Variants in NOX4 observed in about 807,000 individuals in gnomAD.
The protein encoded by NOX4 is NADPH oxidase 4, also known as kidney oxidase-1.
A neutral mutation model predicts 87.6 loss-of-function variants in NOX4; 69 were observed. That is an observed-to-expected ratio of 0.79 (90% CI 0.65 to 0.96). NOX4 has a LOEUF of 0.96. NOX4 is among the 40% of genes least tolerant of loss of function. The pLI, the probability that NOX4 is intolerant of heterozygous loss-of-function variation, is 0.00. For synonymous variants in NOX4, 275 were observed against 238.2 expected (o/e 1.15, Z -1.42); for missense variants, 680 against 681.5 (o/e 1.00, Z 0.02).
chr11:89,490,659 C>T lies in NOX4; in HGVS notation c.58-106G>A, dbSNP rs191953313. 2.7e-4 allele frequency: 219 copies of T among 805,968 alleles called. No individual in the cohort carries two copies. The African/African-American group carries it at 2.8e-3, about 10-fold the overall frequency. 49.9% of individuals were successfully genotyped at this position (805,968 alleles called of 1,614,324 possible). A position where few individuals can be genotyped will look rare whatever the true frequency, so the allele number is the denominator to read the frequency against. ...CTTCGACACAGTGCTTTCAATGGAA[C>T]CTAAATCAGTAACTGCAGAAAGCAT... is the stretch of plus-strand genomic sequence containing the variant. On this transcript the variant is annotated intron_variant, in intron 1 of 17. Transcript: ENST00000263317.
At chr11:89,489,035 C>A in intron 2 of NOX4, 1 of 700,034 alleles carries the variant, frequency 1.4e-6, no homozygotes, top group Non-Finnish European at 2.6e-6. Context: ...ATGGGTTTAG[C>A]TTTACAGACT....
chr11:89,510,286 C>T, the NOX4 span, among the ~76,000 whole-genome samples: 1 of 151,990 alleles, frequency 6.6e-6, no homozygotes, highest in Admixed American at 6.6e-5. Context: ...AGCAAAGAAG[C>T]TTATATTTTC....
intron 14 of NOX4, among the ~76,000 whole-genome samples, chr11:89,340,795 A>G (rs1265076673): frequency 6.6e-6 from 1 of 152,206 alleles, no homozygotes; most frequent in African/African-American, 2.4e-5. Context: ...TTTTCATAAC[A>G]TTAGGTGTCC....
chr11:89,507,527 T>C, the NOX4 span, among the ~76,000 whole-genome samples: 1 of 151,648 alleles, frequency 6.6e-6, no homozygotes, highest in Non-Finnish European at 1.5e-5. Flanking sequence ...TATTGCAATA[T>C]ATACATATAT....
At chr11:89,491,451 A>T, upstream of NOX4, 1 of 530,610 alleles carries the variant, frequency 1.9e-6, no homozygotes, top group Non-Finnish European at 3.3e-6. Flanking sequence ...GGGCGCCCTG[A>T]CTCCCACCCG....
intron 17 of NOX4, among the ~76,000 whole-genome samples, chr11:89,329,714 G>A (rs1306896329): frequency 6.6e-6 from 1 of 151,974 alleles, no homozygotes; most frequent in Non-Finnish European, 1.5e-5. Context: ...GCAATGAAGT[G>A]ATATCTTCAA....
intron 12 of NOX4, among the ~76,000 whole-genome samples, chr11:89,368,006 A>G (rs779049005): frequency 6.6e-5 from 10 of 152,020 alleles, no homozygotes; most frequent in Non-Finnish European, 1.3e-4. Flanking sequence ...CTTCCCAGAA[A>G]CTTGTACATC....
intron 12 of NOX4, among the ~76,000 whole-genome samples, chr11:89,369,857 G>C (rs1166825042): frequency 1.3e-5 from 2 of 151,278 alleles, no homozygotes; most frequent in Non-Finnish European, 2.9e-5. Context: ...AAAATATGTT[G>C]TCATAATAAA....
At chr11:89,433,145 T>C (rs756354437) in intron 6 of NOX4, among the ~76,000 whole-genome samples, 1 of 152,124 alleles carries the variant, frequency 6.6e-6, no homozygotes, top group Admixed American at 6.6e-5. Context: ...CCATCCATCA[T>C]CTCAAACATT....
chr11:89,532,271 T>C, the NOX4 span, among the ~76,000 whole-genome samples: 12 of 152,138 alleles, frequency 7.9e-5, no homozygotes, highest in Admixed American at 7.9e-4. Flanking sequence ...CCTGTGAAAG[T>C]AGCTATGGAA....
At chr11:89,331,943 T>C (rs966250716) in intron 17 of NOX4, among the ~76,000 whole-genome samples, 3 of 151,594 alleles carry the variant, frequency 2.0e-5, no homozygotes, top group African/African-American at 7.3e-5. Flanking sequence ...CTACAAGGAA[T>C]CTTTGCAATT....
intron 11 of NOX4, among the ~76,000 whole-genome samples, chr11:89,380,527 T>G (rs959408596): frequency 6.6e-6 from 1 of 152,136 alleles, no homozygotes; most frequent in East Asian, 1.9e-4. Flanking sequence ...AAAGAAACTT[T>G]CATTGATCAT....
intron 8 of NOX4, among the ~76,000 whole-genome samples, chr11:89,418,561 C>G (rs1274115192): frequency 6.6e-6 from 1 of 151,346 alleles, no homozygotes; most frequent in Non-Finnish European, 1.5e-5. Flanking sequence ...AGAGACAGTT[C>G]AGAAAATTGA....
chr11:89,382,033 C>G (rs529524569), intron 11 of NOX4, among the ~76,000 whole-genome samples: 2 of 152,266 alleles, frequency 1.3e-5, no homozygotes, highest in Admixed American at 1.3e-4. Context: ...GGTGTTTAAT[C>G]ACTGTGGGGA....
At chr11:89,347,395 C>T (rs1417973928) in intron 13 of NOX4, among the ~76,000 whole-genome samples, 3 of 152,210 alleles carry the variant, frequency 2.0e-5, no homozygotes. Context: ...CAGAACAGAG[C>T]TGACAACGAG....
rs536455295 is a variant in NOX4, at chr11:89,454,216, C to A, written c.154-2321G>T. On this transcript the variant is annotated intron_variant, in intron 2 of 17. Transcript: ENST00000263317. The stretch of plus-strand genomic sequence containing the variant: ...CCTTTTTCTCTAAGTAAATGTTAAA[C>A]CCCTCAAGACCAGGGTAAATATTTC... Among the ~76,000 whole-genome samples, 9 of 152,036 alleles carry A rather than the reference C, an allele frequency of 5.9e-5. No homozygotes were observed. In the East Asian group the frequency reaches 9.6e-4, roughly 16 times the overall value.
At chr11:89,429,926 C>T (rs1232801053) in intron 7 of NOX4, among the ~76,000 whole-genome samples, 1 of 152,188 alleles carries the variant, frequency 6.6e-6, no homozygotes, top group Non-Finnish European at 1.5e-5. Context: ...GACCAATATC[C>T]TTGATGAACA....
At chr11:89,526,576 T>C in the NOX4 span, among the ~76,000 whole-genome samples, 68 of 152,302 alleles carry the variant, frequency 4.5e-4, no homozygotes, top group African/African-American at 1.6e-3. Context: ...CTGGAGGTAA[T>C]TGAATCATAG....
chr11:89,580,183 T>C, the NOX4 span, among the ~76,000 whole-genome samples: 1 of 152,084 alleles, frequency 6.6e-6, no homozygotes, highest in Non-Finnish European at 1.5e-5. Context: ...AGATATACTA[T>C]TTATTTATTT....
Sources: gnomAD v4.1 joint callset for allele counts (sites outside exome capture counted in the v4.1 genomes callset) on GRCh38, gnomAD v4.1.1 for gene constraint, MANE v1.5 for transcripts, NCBI Gene and HGNC (gene_info 2026-07-23, HGNC 2026-07-21) for gene names.